Variants in GRM5 observed in about 807,000 individuals in gnomAD.
The protein encoded by GRM5 is metabotropic glutamate receptor 5.
Under a neutral mutation model 83.1 loss-of-function variants are expected in GRM5, and 19 were observed. That is an observed-to-expected ratio of 0.23 (90% CI 0.16 to 0.34). GRM5 has a LOEUF of 0.34. Ranked by LOEUF, GRM5 falls within the 10% of genes least tolerant of loss-of-function variation. GRM5 has a pLI of 1.00. For missense variants in GRM5, 1,160 were observed against 1,588.3 expected (o/e 0.73, Z 4.58); for synonymous variants, 675 against 633.6 (o/e 1.07, Z -0.98).
At chr11:88,608,801 G>A (rs938243948) in intron 4 of GRM5, among the ~76,000 whole-genome samples, 5 of 152,104 alleles carry the variant, frequency 3.3e-5, no homozygotes, top group African/African-American at 4.8e-5. Context: ...GATTACAGGC[G>A]TGAGCCACCG....
chr11:88,661,277 A>G (rs1383101173), intron 3 of GRM5, among the ~76,000 whole-genome samples: 1 of 152,218 alleles, frequency 6.6e-6, no homozygotes, highest in African/African-American at 2.4e-5. Flanking sequence ...ACTTCAAATA[A>G]CACAGATTTC....
intron 8 of GRM5, among the ~76,000 whole-genome samples, chr11:88,566,412 AC>A (rs1942875221): frequency 6.6e-6 from 1 of 152,192 alleles, no homozygotes; most frequent in Non-Finnish European, 1.5e-5. Context: ...GTGGGATGAG[AC>A]TATAGGCAAC....
intron 2 of GRM5, among the ~76,000 whole-genome samples, chr11:89,034,215 T>C (rs35129958): frequency 2.7e-4 from 41 of 151,966 alleles, no homozygotes; most frequent in African/African-American, 8.2e-4. Flanking sequence ...AAGATATTAA[T>C]GGTGTGCAAC....
At chr11:88,739,000 T>G (rs1941974767) in intron 3 of GRM5, among the ~76,000 whole-genome samples, 1 of 152,124 alleles carries the variant, frequency 6.6e-6, no homozygotes, top group African/African-American at 2.4e-5. Context: ...TGAAGTATAT[T>G]TTTCACTTTC....
intron 2 of GRM5, among the ~76,000 whole-genome samples, chr11:88,947,968 A>G (rs1207055183): frequency 6.6e-6 from 1 of 152,138 alleles, no homozygotes; most frequent in African/African-American, 2.4e-5. Flanking sequence ...TGGCTTTCAA[A>G]TGTGATGAGC....
At chr11:89,000,641 A>G (rs1940347380) in intron 2 of GRM5, among the ~76,000 whole-genome samples, 1 of 152,178 alleles carries the variant, frequency 6.6e-6, no homozygotes, top group South Asian at 2.1e-4. Context: ...TGGACTAGGC[A>G]AAGAGCACTT....
At chr11:88,812,658 CCT>C (rs1943607717) in intron 3 of GRM5, among the ~76,000 whole-genome samples, 1 of 152,116 alleles carries the variant, frequency 6.6e-6, no homozygotes, top group Non-Finnish European at 1.5e-5. Flanking sequence ...GCTGACACTG[CCT>C]CTCTGCCTTA....
rs1555026149 is a variant in GRM5, at chr11:88,845,321, C to CT, written c.911+4584dup. Among the ~76,000 whole-genome samples the CT allele has an allele frequency of 4.5e-3, 636 of 142,436 alleles. 4 individuals are homozygous for CT. Among genetic ancestry groups the CT allele is most frequent in the African/African-American group, 0.013 (493 of 39,000 alleles). 93.4% of individuals were successfully genotyped at this position (142,436 alleles called of 152,430 possible). On this transcript the variant is annotated intron_variant, in intron 3 of 9. Transcript: ENST00000305447. ...CACTGAAGGCTCAGATGATCACTTG[C>CT]TTTTTTTTTTTAGCAATAAAGTATA...
rs556725881 is a variant in GRM5, at chr11:88,703,930, G to A, written c.912-50527C>T. ...TGGGCTGCTTTGCCAAAATACCAGC[G>A]ACTGGGTTTTTTCAACAACAAACAT... is the stretch of plus-strand genomic sequence containing the variant. On this transcript the variant is annotated intron_variant, in intron 3 of 9. Coordinates refer to ENST00000305447, the MANE Select transcript of GRM5 (RefSeq NM_001143831.3). 6.9e-4 allele frequency among the ~76,000 whole-genome samples: 105 copies of A among 151,998 alleles called. 1 individual carries two copies. Among genetic ancestry groups the A allele is most frequent in the Admixed American group, 3.9e-3 (59 of 15,240 alleles).
chr11:88,905,270 G>T (rs973823214), intron 2 of GRM5, among the ~76,000 whole-genome samples: 1 of 152,192 alleles, frequency 6.6e-6, no homozygotes, highest in Non-Finnish European at 1.5e-5. Flanking sequence ...GCAGGAGCCT[G>T]CCAAAGAGCA....
intron 8 of GRM5, among the ~76,000 whole-genome samples, chr11:88,541,013 G>T (rs1238045901): frequency 2.6e-5 from 4 of 152,092 alleles, no homozygotes. Context: ...GCTTCCCAAA[G>T]TGCTGGAATT....
intron 3 of GRM5, among the ~76,000 whole-genome samples, chr11:88,785,188 G>A (rs759822293): frequency 2.6e-5 from 4 of 152,028 alleles, no homozygotes; most frequent in South Asian, 2.1e-4. Flanking sequence ...CACAGTAAGC[G>A]TTTGGTTACT....
At chr11:88,978,803 T>A (rs917047991) in intron 2 of GRM5, among the ~76,000 whole-genome samples, 2 of 152,202 alleles carry the variant, frequency 1.3e-5, no homozygotes, top group Non-Finnish European at 2.9e-5. Context: ...AGGTATCTAT[T>A]ATCTCCATTT....
chr11:88,687,708 AC>A (rs1271092003), intron 3 of GRM5, among the ~76,000 whole-genome samples: 3 of 144,754 alleles, frequency 2.1e-5, no homozygotes, highest in South Asian at 4.4e-4. Context: ...TACTATATAT[AC>A]CCCCGTATGG....
chr11:88,791,869 G>C lies in GRM5; in HGVS notation c.911+58037C>G, dbSNP rs1037396078. Among the ~76,000 whole-genome samples, 4 of 151,810 alleles carry C rather than the reference G, an allele frequency of 2.6e-5. No individual in the cohort carries two copies. The South Asian group carries it at 6.2e-4, about 24-fold the overall frequency. On this transcript the variant is annotated intron_variant, in intron 3 of 9. Transcript: ENST00000305447. ...ACCTTGTATTCTGTAAATTCATTTG[G>C]TTTTCACTGGGCTTTTATGTCATTA...
At chr11:88,648,216 C>A (rs924014722) in intron 4 of GRM5, among the ~76,000 whole-genome samples, 2 of 149,940 alleles carry the variant, frequency 1.3e-5, no homozygotes, top group Non-Finnish European at 3.0e-5. Flanking sequence ...ATGTTTATTG[C>A]GGCATTATTC....
chr11:88,936,583 A>G (rs1214180192), intron 2 of GRM5, among the ~76,000 whole-genome samples: 1 of 151,924 alleles, frequency 6.6e-6, no homozygotes, highest in Non-Finnish European at 1.5e-5. Context: ...AGGAAAGCTG[A>G]TAAAACTAAA....
At chr11:88,846,572 T>G (rs1243784187) in intron 3 of GRM5, among the ~76,000 whole-genome samples, 3 of 152,188 alleles carry the variant, frequency 2.0e-5, no homozygotes, top group Admixed American at 6.5e-5. Flanking sequence ...GCCAAGCACT[T>G]AAGTTGAACG....
At chr11:88,826,918 G>T (rs184184377) in intron 3 of GRM5, among the ~76,000 whole-genome samples, 1 of 152,266 alleles carries the variant, frequency 6.6e-6, no homozygotes, top group Admixed American at 6.5e-5. Flanking sequence ...AAGTGGAAGT[G>T]TCAGGCTATA....
Sources: gnomAD v4.1 joint callset for allele counts (sites outside exome capture counted in the v4.1 genomes callset) on GRCh38, gnomAD v4.1.1 for gene constraint, MANE v1.5 for transcripts, NCBI Gene and HGNC (gene_info 2026-07-23, HGNC 2026-07-21) for gene names.